NLRP7: variants seen among roughly 807,000 people sequenced by gnomAD.
NLRP7 encodes NLR family pyrin domain containing 7, also known as NACHT, LRR and PYD domains-containing protein 7.
Under a neutral mutation model 85.5 loss-of-function variants are expected in NLRP7, and 72 were observed. The observed-to-expected ratio is 0.84, with a 90% CI of 0.70 to 1.02. The LOEUF is 1.02. NLRP7 is among the 50% of genes least tolerant of loss of function. The pLI is 0.00. For synonymous variants in NLRP7, 550 were observed against 505.2 expected (o/e 1.09, Z -1.19); for missense variants, 1,243 against 1,219.5 (o/e 1.02, Z -0.29).
At position 54,941,381 on chromosome 19, in the gene NLRP7, CAAAAAAAAAAA is replaced by C. The variant is rs55704982; in HGVS notation, c.277+43_277+53del. 16 of 685,132 alleles carry C rather than the reference CAAAAAAAAAAA, an allele frequency of 2.3e-5. No homozygotes were observed. The African/African-American group carries it at 3.1e-4, about 13-fold the overall frequency. 42.4% of individuals were successfully genotyped at this position (685,132 alleles called of 1,614,324 possible). A position where few individuals can be genotyped will look rare whatever the true frequency, so the allele number is the denominator to read the frequency against. The stretch of plus-strand genomic sequence containing the variant: ...TGGGCGACAGAACGAGACTCCATCT[CAAAAAAAAAAA>C]AAAAAAAAAAAAAATGACCAGGACA... On this transcript the variant is annotated intron_variant, in intron 2 of 9. Transcript: ENST00000340844.
intron 9 of NLRP7, among the ~76,000 whole-genome samples, chr19:54,926,916 TAAAAAAAAA>T (rs74177884): frequency 3.8e-5 from 1 of 26,656 alleles, no homozygotes; most frequent in Middle Eastern, 0.021. Flanking sequence ...ACTCTGTCTT[TAAAAAAAAA>T]AAAAAAAAAA....
chr19:54,935,624 C>T (rs192010167), intron 6 of NLRP7, among the ~76,000 whole-genome samples: 1 of 148,164 alleles, frequency 6.7e-6, no homozygotes, highest in African/African-American at 2.5e-5. Context: ...ACCCAGGAGG[C>T]GGAGGTTGCA....
At chr19:54,927,811 T>A (rs758347821) in intron 9 of NLRP7, 36 bp from the exon 10 acceptor site, 1 of 1,598,010 alleles carries the variant, frequency 6.3e-7, no homozygotes, top group South Asian at 1.1e-5. Context: ...ACGCATTCAC[T>A]GAGCAGGTAG....
At chr19:54,925,699 G>T (rs899700490) in intron 9 of NLRP7, among the ~76,000 whole-genome samples, 1 of 151,972 alleles carries the variant, frequency 6.6e-6, no homozygotes, top group East Asian at 1.9e-4. Context: ...GGTAGATTAC[G>T]TTAAAATAAG....
chr19:54,929,342 G>A (rs1247213653), intron 9 of NLRP7, among the ~76,000 whole-genome samples: 1 of 152,094 alleles, frequency 6.6e-6, no homozygotes, highest in Non-Finnish European at 1.5e-5. Context: ...TCCAGCCTGG[G>A]TGACAAAGCG....
Position 54,956,138 on chromosome 19 carries a change from A to AGGAAGGAG in NLRP7, c.-76-8641_-76-8634dup, listed in dbSNP as rs376708977. The stretch of plus-strand genomic sequence containing the variant: ...CTGGGCAACAGAGGGAGAGAAAGGA[A>AGGAAGGAG]GGAAGGAGGGAAGGAGGGAAGGAGG... On this transcript the variant is annotated intron_variant, in intron 1 of 2. Coordinates refer to the NLRP7 transcript ENST00000587103. Among the ~76,000 whole-genome samples, 25 of 137,572 alleles carry AGGAAGGAG rather than the reference A, an allele frequency of 1.8e-4. 1 individual carries two copies. The South Asian group carries it at 3.6e-3, about 20-fold the overall frequency. The allele number at this position is 137,572 out of a possible 152,430, so 90.3% of individuals were successfully genotyped here.
chr19:54,948,154 C>G (rs1431907191), upstream of NLRP7, among the ~76,000 whole-genome samples: 1 of 152,116 alleles, frequency 6.6e-6, no homozygotes, highest in Non-Finnish European at 1.5e-5. Flanking sequence ...GAAGCCGAGG[C>G]GGGTGGATCA....
chr19:54,959,785 G>C (rs1386644829), intron 1 of NLRP7, among the ~76,000 whole-genome samples: 1 of 151,922 alleles, frequency 6.6e-6, no homozygotes, highest in Non-Finnish European at 1.5e-5. Flanking sequence ...TCCTCTCATG[G>C]ATGTCTGTCT....
chr19:54,936,258 C>A lies in NLRP7; in HGVS notation c.2300+3G>T. 6.2e-7 allele frequency: 1 copy of A among 1,612,396 alleles called. No homozygotes were observed. The highest frequency in any genetic ancestry group is 8.5e-7 in the Non-Finnish European group (1 of 1,179,526). ...TGGGGAGAGCCGTGACCGTGAGACC[C>A]ACCTCAGGTACTGCAGGTTGCATTT... On this transcript the variant is annotated splice_donor_region_variant and intron_variant, in intron 6 of 9. Coordinates refer to ENST00000340844, the Ensembl canonical transcript of NLRP7.
rs559187915 is a variant in NLRP7 at position 54,940,668 on chromosome 19, A to T, written c.353-202T>A. On this transcript the variant is annotated intron_variant, in intron 3 of 9. Coordinates refer to ENST00000340844, the Ensembl canonical transcript of NLRP7. ...ATAGTGAAACCCCATCTCTACTAAA[A>T]ATACAAAACATTAGCTGGGGGTAGT... Among the ~76,000 whole-genome samples, 12 of 152,094 alleles carry T rather than the reference A, an allele frequency of 7.9e-5. No homozygotes were observed. The South Asian group carries it at 2.5e-3, about 32-fold the overall frequency.
intron 7 of NLRP7, 72 bp from the exon 8 acceptor site, chr19:54,933,811 A>G: frequency 7.7e-7 from 1 of 1,290,472 alleles, no homozygotes; most frequent in East Asian, 2.3e-5. Context: ...AGTGATGTCC[A>G]CATGCTAGGG....
At position 54,934,637 on chromosome 19, in the gene NLRP7, G is replaced by A. The variant is rs555863660; in HGVS notation, c.2323C>T (p.Pro775Ser). 8.7e-6 allele frequency: 14 copies of A among 1,613,650 alleles called. No homozygotes were observed. The South Asian group carries it at 1.4e-4, about 16-fold the overall frequency. The change falls in exon 7 of 10, where the codon CCG (proline) becomes TCG (serine). Residue 775 changes from proline (P) to serine (S), a missense_variant. Around this residue, in one of 3 missense-constraint regions of NLRP7, gnomAD observed 613 missense variants for 588.4 expected, o/e 1.04. Transcript: ENST00000340844. This position sits in a 1 kb window ranked among gnomAD's most constrained non-coding sequence, Gnocchi z 6.7. ...TAGAAGAATTCAGCCCACTGCTCCG[G>A]GGTGGCACAGTGACCTCCCAACCTG...
chr19:54,938,825 G>C (rs1016957752), intron 4 of NLRP7, 63 bp downstream of exon 4: 2 of 1,575,964 alleles, frequency 1.3e-6, no homozygotes, highest in African/African-American at 2.7e-5. Flanking sequence ...GACAGTAAGC[G>C]ACAGGGCAAA....
intron 1 of NLRP7, among the ~76,000 whole-genome samples, chr19:54,946,063 T>G (rs1167945886): frequency 1.3e-5 from 2 of 152,044 alleles, no homozygotes; most frequent in African/African-American, 4.8e-5. Context: ...AGTGCTGGGA[T>G]TACAGGCGTG....
chr19:54,954,974 C>A (rs2069803970), intron 1 of NLRP7, among the ~76,000 whole-genome samples: 2 of 152,114 alleles, frequency 1.3e-5, no homozygotes, highest in African/African-American at 4.8e-5. Context: ...GCCCTGAATT[C>A]TTTCTGGTAT....
chr19:54,933,245 A>G (rs1442238267), intron 8 of NLRP7, among the ~76,000 whole-genome samples: 2 of 152,012 alleles, frequency 1.3e-5, no homozygotes, highest in Non-Finnish European at 2.9e-5. Flanking sequence ...TTCCAGGTTC[A>G]CGCCATTCTC....
chr19:54,951,449 A>G (rs1008500418), upstream of NLRP7, among the ~76,000 whole-genome samples: 1 of 152,016 alleles, frequency 6.6e-6, no homozygotes, highest in African/African-American at 2.4e-5. Context: ...CGAGAGGCTG[A>G]GGCAGAATTG....
At chr19:54,936,597 G>A (rs999506403) in intron 5 of NLRP7, among the ~76,000 whole-genome samples, 166 bp from the exon 6 acceptor site, 1 of 151,998 alleles carries the variant, frequency 6.6e-6, no homozygotes, top group Admixed American at 6.6e-5. Flanking sequence ...TGAGGCAGGA[G>A]GATAACCTGA....
In NLRP7 at chr19:54,939,719, C is replaced by T; in HGVS notation, c.1100G>A (p.Trp367Ter). Residue 367 changes from tryptophan (W) to a stop codon, truncating the protein, a stop_gained, in exon 4 of 10, where the codon TGG (tryptophan) becomes TAG (stop). Coordinates refer to ENST00000340844, the Ensembl canonical transcript of NLRP7. LOFTEE classifies it high-confidence loss of function. ...CAGCTTCAGAGTCGTGCACACAATCCAGCACACCGCGGGGGCCGAGCCCAG... is the reference window on the plus strand; with the variant it reads ...CAGCTTCAGAGTCGTGCACACAATCTAGCACACCGCGGGGGCCGAGCCCAG... The T allele has an allele frequency of 1.9e-6, 3 of 1,613,568 alleles. No individual in the cohort carries two copies. Among genetic ancestry groups the T allele is most frequent in the Non-Finnish European group, 2.5e-6 (3 of 1,180,012 alleles).
Sources: gnomAD v4.1 joint callset for allele counts (sites outside exome capture counted in the v4.1 genomes callset) on GRCh38, gnomAD v4.1.1 for gene constraint, gnomAD v4.1.1 regional missense constraint, Gnocchi (gnomAD v3.1) non-coding constraint, MANE v1.5 for transcripts, NCBI Gene and HGNC (gene_info 2026-07-23, HGNC 2026-07-21) for gene names.